Variants in RIF1 observed in about 807,000 individuals in gnomAD.
The protein encoded by RIF1 is replication timing regulatory factor 1.
In RIF1, 45 loss-of-function variants were observed where a neutral mutation model predicts 247.1. The observed-to-expected ratio is 0.18, with a 90% CI of 0.14 to 0.23. The LOEUF (loss-of-function observed/expected upper bound fraction) is 0.23. Ranked by LOEUF, RIF1 falls within the 10% of genes least tolerant of loss-of-function variation. The pLI, the probability that RIF1 is intolerant of heterozygous loss-of-function variation, is 1.00. For missense variants in RIF1, 2,967 were observed against 2,862.5 expected (o/e 1.04, Z -0.83); for synonymous variants, 1,087 against 978.8 (o/e 1.11, Z -2.06).
Position 151,436,979 on chromosome 2 carries a change from C to G in RIF1, c.1348C>G (p.Gln450Glu), listed in dbSNP as rs1218986702. Residue 450 changes from glutamine to glutamate, a missense_variant, in exon 12 of 36, where the codon CAA (glutamine) becomes GAA (glutamate). Physicochemically the swap from Gln to Glu is conservative, Grantham distance 29. Coordinates refer to ENST00000444746, the MANE Select transcript of RIF1 (RefSeq NM_018151.5). ...LGPEALSFAK[Q>E]NKLVLSLEPL... ...TCCAGAAGCCTTGAGTTTTGCTAAGCAAAATAAACTTGTGCTGAGCTTAGG... is the reference window on the plus strand; with the variant it reads ...TCCAGAAGCCTTGAGTTTTGCTAAGGAAAATAAACTTGTGCTGAGCTTAGG... 2 of 1,612,618 alleles carry G rather than the reference C, an allele frequency of 1.2e-6. No individual in the cohort carries two copies. Among genetic ancestry groups the G allele is most frequent in the Admixed American group, 1.7e-5 (1 of 59,644 alleles).
Position 151,481,210 on chromosome 2 carries a change from A to G in RIF1, c.*6139A>G, listed in dbSNP as rs574111858. ...TTGCTCATGCATGGCATGTTAGTCA[A>G]TTTAGTTATTTGCTTCTAGCTGGCA... On this transcript the variant is annotated 3_prime_UTR_variant, in exon 36 of 36. Transcript: ENST00000444746. 3 of 152,288 alleles carry G rather than the reference A, an allele frequency of 2.0e-5. No homozygotes were observed. The highest frequency in any genetic ancestry group is 6.5e-5 in the Admixed American group (1 of 15,296). 9.4% of individuals were successfully genotyped at this position (152,288 alleles called of 1,614,324 possible).
intron 10 of RIF1, chr2:151,497,103 T>G (rs2060748993): frequency 6.7e-7 from 1 of 1,500,298 alleles, no homozygotes. Flanking sequence ...GTTTTAAGGG[T>G]AAGGTCAGCT....
intron 34 of RIF1, among the ~76,000 whole-genome samples, chr2:151,471,695 T>G (rs1236047319): frequency 6.6e-6 from 1 of 152,224 alleles, no homozygotes; most frequent in Non-Finnish European, 1.5e-5. Flanking sequence ...TGTGGTATTA[T>G]TTCTGAGGGC....
chr2:151,499,241 ATTAATCTTT>A (rs2062609720), intron 10 of RIF1: 3 of 949,416 alleles, frequency 3.2e-6, no homozygotes, highest in Admixed American at 5.1e-5. Context: ...AAATCTAGCC[ATTAATCTTT>A]TTAAACATTT....
intron 9 of RIF1, chr2:151,494,072 G>T: frequency 8.6e-7 from 1 of 1,167,568 alleles, no homozygotes; most frequent in Non-Finnish European, 1.2e-6. Context: ...CATTTTGTTT[G>T]TTTTTAACCT....
downstream of RIF1, chr2:151,485,529 T>C: frequency 2.6e-6 from 1 of 383,730 alleles, no homozygotes; most frequent in East Asian, 3.8e-5. Flanking sequence ...AAAACATGTT[T>C]ATAATGGAGA....
At chr2:151,437,583 C>T (rs987495244) in intron 13 of RIF1, among the ~76,000 whole-genome samples, 12 of 152,062 alleles carry the variant, frequency 7.9e-5, no homozygotes, top group East Asian at 5.8e-4. Flanking sequence ...CCCAGCTACT[C>T]GGGAGGCGGA....
chr2:151,470,061 C>A (rs1379905670), intron 34 of RIF1, among the ~76,000 whole-genome samples, 197 bp downstream of exon 34: 1 of 152,062 alleles, frequency 6.6e-6, no homozygotes, highest in Non-Finnish European at 1.5e-5. Context: ...TTCTCTCTTT[C>A]ATTTCCACCA....
rs181802123 is a variant in RIF1 at position 151,492,626 on chromosome 2, T to C, written c.*416-2603T>C. On this transcript the variant is annotated intron_variant and NMD_transcript_variant, in intron 9 of 13. Transcript: ENST00000454583. ...AACTGAAGGGGCCCAGTGAGACACA[T>C]GACCAATTTTGGAACAGGCTAATCT... 183 of 520,670 alleles carry C rather than the reference T, an allele frequency of 3.5e-4. 1 individual carries two copies. Among genetic ancestry groups the C allele is most frequent in the African/African-American group, 3.4e-3 (176 of 51,596 alleles). 32.3% of individuals were successfully genotyped at this position (520,670 alleles called of 1,614,324 possible).
At chr2:151,519,582 A>T in the RIF1 span, 5 of 1,041,488 alleles carry the variant, frequency 4.8e-6, no homozygotes, top group Non-Finnish European at 7.4e-6. Flanking sequence ...TATAAATGCT[A>T]CTGAATTGCA....
At chr2:151,503,906 C>G (rs1037085944) in intron 12 of RIF1, among the ~76,000 whole-genome samples, 1 of 152,096 alleles carries the variant, frequency 6.6e-6, no homozygotes, top group African/African-American at 2.4e-5. Flanking sequence ...TCGCTGGCTC[C>G]TAATCTGTAG....
chr2:151,448,046 T>C (rs1222740466), intron 20 of RIF1, among the ~76,000 whole-genome samples: 1 of 152,044 alleles, frequency 6.6e-6, no homozygotes, highest in Non-Finnish European at 1.5e-5. Context: ...GTTCTTTTTT[T>C]TTTTCTTGCC....
At chr2:151,466,213 A>G in intron 30 of RIF1, 93 bp downstream of exon 30, 1 of 685,394 alleles carries the variant, frequency 1.5e-6, no homozygotes, top group Non-Finnish European at 2.5e-6. Context: ...AAAATATTAC[A>G]ATTATATGGC....
At position 151,469,840 on chromosome 2, in the gene RIF1, T is replaced by C. The variant is rs567604438; in HGVS notation, c.7071T>C (p.Ala2357=). 6.2e-7 allele frequency: 1 copy of C among 1,606,800 alleles called. No homozygotes were observed. The highest frequency in any genetic ancestry group is 8.5e-7 in the Non-Finnish European group (1 of 1,177,264). Reference sequence around the variant, plus strand: ...CAAAAGTGTCCAATGTAAAAAAGGCTCTCAGAATATATCATGAGCAGCAGG... The same window carrying C: ...CAAAAGTGTCCAATGTAAAAAAGGCCCTCAGAATATATCATGAGCAGCAGG... ...RSPKVSNVKK[A]LRIYHEQQVK... is the part of the protein sequence containing the mutation. The change falls in exon 34 of 36, where the codon GCT becomes GCC. Residue 2357 remains alanine, a synonymous_variant. Coordinates refer to ENST00000444746, the MANE Select transcript of RIF1 (RefSeq NM_018151.5).
chr2:151,428,755 A>G, intron 8 of RIF1, 29 bp from the exon 9 acceptor site: 1 of 1,548,932 alleles, frequency 6.5e-7, no homozygotes, highest in Non-Finnish European at 8.9e-7. Context: ...CAGATAAATA[A>G]CTTCTTAATG....
intron 12 of RIF1, among the ~76,000 whole-genome samples, chr2:151,505,055 T>C (rs1045141053): frequency 1.8e-4 from 27 of 152,156 alleles, no homozygotes; most frequent in Admixed American, 1.4e-3. Context: ...GTGTCATACA[T>C]ACACACACAC....
intron 12 of RIF1, 86 bp downstream of exon 12, chr2:151,437,089 G>T (rs538941791): frequency 1.5e-6 from 2 of 1,291,802 alleles, no homozygotes; most frequent in African/African-American, 1.5e-5. Flanking sequence ...TTATTTTGTC[G>T]CAGCCAAAAT....
At chr2:151,513,563 C>A in the RIF1 span, 6 of 1,552,722 alleles carry the variant, frequency 3.9e-6, no homozygotes, top group Admixed American at 1.8e-5. Context: ...AGATTGACAT[C>A]GAATAGTAGC....
At chr2:151,440,219 G>C in intron 15 of RIF1, 92 bp downstream of exon 15, 1 of 736,290 alleles carries the variant, frequency 1.4e-6, no homozygotes, top group Non-Finnish European at 2.3e-6. Context: ...AGTTTGGGAA[G>C]ACTTTTTTAT....
Sources: allele counts gnomAD v4.1 joint callset (sites outside exome capture counted in the v4.1 genomes callset), GRCh38; gene constraint gnomAD v4.1.1; transcripts MANE v1.5; gene names NCBI Gene and HGNC (gene_info 2026-07-23, HGNC 2026-07-21).